SLC17A8: variants seen among roughly 807,000 people sequenced by gnomAD.
The protein encoded by SLC17A8 is vesicular glutamate transporter 3.
Under a neutral mutation model 58.0 loss-of-function variants are expected in SLC17A8, and 31 were observed. The ratio of observed to expected loss-of-function variants is 0.53; its 90% CI spans 0.40 to 0.72. The LOEUF is 0.72. SLC17A8 is among the 30% of genes least tolerant of loss of function. The pLI, the probability that SLC17A8 is intolerant of heterozygous loss-of-function variation, is 0.00. For synonymous variants in SLC17A8, 228 were observed against 249.0 expected (o/e 0.92, Z 0.79); for missense variants, 655 against 727.8 (o/e 0.90, Z 1.15).
At chr12:100,417,172 C>T (rs916125461) in intron 10 of SLC17A8, among the ~76,000 whole-genome samples, 1 of 152,220 alleles carries the variant, frequency 6.6e-6, no homozygotes, top group Non-Finnish European at 1.5e-5. Flanking sequence ...TCCCAAAGTG[C>T]TGAGATTATA....
chr12:100,371,425 G>A (rs1038494541), intron 1 of SLC17A8, among the ~76,000 whole-genome samples: 12 of 152,202 alleles, frequency 7.9e-5, no homozygotes, highest in Non-Finnish European at 1.3e-4. Context: ...CTCGCCATTC[G>A]TCAGGCGCTT....
intron 9 of SLC17A8, among the ~76,000 whole-genome samples, chr12:100,411,700 T>A (rs1593006903): frequency 6.6e-6 from 1 of 151,930 alleles, no homozygotes; most frequent in Non-Finnish European, 1.5e-5. Flanking sequence ...TCAGCTGAAC[T>A]TTTTTTTCGG....
intron 1 of SLC17A8, among the ~76,000 whole-genome samples, chr12:100,373,001 G>C (rs190392929): frequency 6.6e-6 from 1 of 152,168 alleles, no homozygotes; most frequent in Non-Finnish European, 1.5e-5. Context: ...GAATTGCAAA[G>C]AAATAGTTCT....
chr12:100,399,745 T>C (rs907064787), intron 5 of SLC17A8, among the ~76,000 whole-genome samples: 1 of 152,164 alleles, frequency 6.6e-6, no homozygotes, highest in African/African-American at 2.4e-5. Flanking sequence ...GGGATTACAA[T>C]TTGAGATGCA....
In SLC17A8 at chr12:100,420,219, T is replaced by C. The variant is rs986553044; in HGVS notation, c.*60T>C. On this transcript the variant is annotated 3_prime_UTR_variant, in exon 12 of 12. Transcript: ENST00000323346. ...AGAAACAGAAAGTATCCATACCTAT[T>C]GCCTTTCTTGTAGCCCAGCTTGCCA... is the stretch of plus-strand genomic sequence containing the variant. 2 of 1,393,968 alleles carry C rather than the reference T, an allele frequency of 1.4e-6. No individual in the cohort carries two copies. Among genetic ancestry groups the C allele is most frequent in the African/African-American group, 1.4e-5 (1 of 69,994 alleles). The allele number at this position is 1,393,968 out of a possible 1,614,324, so 86.3% of individuals were successfully genotyped here. A position where few individuals can be genotyped will look rare whatever the true frequency, so the allele number is the denominator to read the frequency against.
rs746526640 is a variant in SLC17A8 at position 100,391,002 on chromosome 12, C to G, written c.356C>G (p.Thr119Arg). 6.2e-7 allele frequency: 1 copy of G among 1,600,506 alleles called. No homozygotes were observed. The highest frequency in any genetic ancestry group is 8.6e-7 in the Non-Finnish European group (1 of 1,167,566). The change falls in exon 3 of 12, where the codon ACA (threonine) becomes AGA (arginine). Residue 119 changes from threonine to arginine, a missense_variant and splice_region_variant. Transcript: ENST00000323346. Reference sequence around the variant, plus strand: ...CTATATCTGATTTCTCATTTCCAGACAGCACAGTTTAACTGGGATCCAGAA... The same window carrying G: ...CTATATCTGATTTCTCATTTCCAGAGAGCACAGTTTAACTGGGATCCAGAA... ...VYVDGKPEIQ[T>R]AQFNWDPETV...
rs1952939326 is a variant in SLC17A8, at chr12:100,420,228, T to G, written c.*69T>G. 1 of 1,315,620 alleles carries G rather than the reference T, an allele frequency of 7.6e-7. No homozygotes were observed. Among genetic ancestry groups the G allele is most frequent in the Non-Finnish European group, 1.1e-6 (1 of 937,146 alleles). 81.5% of individuals were successfully genotyped at this position (1,315,620 alleles called of 1,614,324 possible). On this transcript the variant is annotated 3_prime_UTR_variant, in exon 12 of 12. Coordinates refer to ENST00000323346, the MANE Select transcript of SLC17A8 (RefSeq NM_139319.3). Reference sequence around the variant, plus strand: ...AAGTATCCATACCTATTGCCTTTCTTGTAGCCCAGCTTGCCAGAGGTCCAA... The same window carrying G: ...AAGTATCCATACCTATTGCCTTTCTGGTAGCCCAGCTTGCCAGAGGTCCAA...
intron 2 of SLC17A8, among the ~76,000 whole-genome samples, chr12:100,383,355 A>AT (rs1433626796): frequency 6.6e-6 from 1 of 152,118 alleles, no homozygotes; most frequent in Non-Finnish European, 1.5e-5. Context: ...TATGGTTTAA[A>AT]TTTTTTTCCT....
At position 100,380,856 on chromosome 12, in the gene SLC17A8, T is replaced by TG; in HGVS notation, c.257_258insG (p.Phe86LeufsTer22). On this transcript the variant is annotated frameshift_variant, in exon 2 of 12. Transcript: ENST00000323346. LOFTEE classifies it high-confidence loss of function. ...ATTGCTATCATGAGTGGGCTGGGATTCTGCATTTCCTTTGGGATCCGGTGC... is the reference window on the plus strand; with the variant it reads ...ATTGCTATCATGAGTGGGCTGGGATTGCTGCATTTCCTTTGGGATCCGGTGC... The TG allele has an allele frequency of 6.2e-7, 1 of 1,614,198 alleles. No individual in the cohort carries two copies. Among genetic ancestry groups the TG allele is most frequent in the Non-Finnish European group, 8.5e-7 (1 of 1,180,034 alleles).
At chr12:100,366,582 T>C (rs1213266677) in intron 1 of SLC17A8, among the ~76,000 whole-genome samples, 2 of 152,162 alleles carry the variant, frequency 1.3e-5, no homozygotes, top group African/African-American at 4.8e-5. Flanking sequence ...TAGAGTCCTT[T>C]GGGGAAGGAC....
At chr12:100,381,820 G>C (rs1952640012) in intron 2 of SLC17A8, among the ~76,000 whole-genome samples, 1 of 152,144 alleles carries the variant, frequency 6.6e-6, no homozygotes, top group Non-Finnish European at 1.5e-5. Context: ...TTCTTTAGTA[G>C]TACATCAGTG....
At chr12:100,397,192 C>T (rs1952759947) in intron 5 of SLC17A8, among the ~76,000 whole-genome samples, 1 of 152,082 alleles carries the variant, frequency 6.6e-6, no homozygotes, top group Admixed American at 6.6e-5. Flanking sequence ...ATGACATTTG[C>T]TAAGGACAAA....
intron 1 of SLC17A8, among the ~76,000 whole-genome samples, chr12:100,371,191 T>C (rs986685496): frequency 2.6e-5 from 4 of 152,226 alleles, no homozygotes; most frequent in Non-Finnish European, 5.9e-5. Flanking sequence ...ATGCTAAGCA[T>C]TTTGTAACTC....
intron 2 of SLC17A8, among the ~76,000 whole-genome samples, chr12:100,390,192 T>A (rs1483316882): frequency 6.6e-6 from 1 of 152,046 alleles, no homozygotes; most frequent in Admixed American, 6.6e-5. Context: ...CTTGAGCTCC[T>A]GGCCTCAAGT....
At chr12:100,358,731 C>T (rs774683754) in intron 1 of SLC17A8, among the ~76,000 whole-genome samples, 2 of 152,076 alleles carry the variant, frequency 1.3e-5, no homozygotes, top group Non-Finnish European at 2.9e-5. Flanking sequence ...CCCCAGGTAA[C>T]GTCTTATTGT....
chr12:100,417,983 A>G (rs1379841265), intron 10 of SLC17A8, 46 bp from the exon 11 acceptor site: 1 of 1,613,746 alleles, frequency 6.2e-7, no homozygotes, highest in Non-Finnish European at 8.5e-7. Flanking sequence ...AGCATATTTG[A>G]AATTCTGTTC....
At chr12:100,397,156 G>A (rs1349062450) in intron 5 of SLC17A8, among the ~76,000 whole-genome samples, 1 of 152,150 alleles carries the variant, frequency 6.6e-6, no homozygotes, top group East Asian at 1.9e-4. Context: ...GAAAGGGTTG[G>A]AAGTGGTTGT....
chr12:100,406,366 T>G (rs566720504), intron 9 of SLC17A8, among the ~76,000 whole-genome samples: 4 of 152,208 alleles, frequency 2.6e-5, no homozygotes, highest in South Asian at 2.1e-4. Context: ...GAATGTGGCC[T>G]GTGTGAGAAT....
At position 100,377,675 on chromosome 12, in the gene SLC17A8, G is replaced by C. The variant is rs146683674; in HGVS notation, c.102-3026G>C. Among the ~76,000 whole-genome samples the C allele has an allele frequency of 3.7e-3, 518 of 138,350 alleles. 2 individuals carry two copies. Among genetic ancestry groups the C allele is most frequent in the African/African-American group, 0.012 (457 of 37,178 alleles). 90.8% of individuals were successfully genotyped at this position (138,350 alleles called of 152,430 possible). A position where few individuals can be genotyped will look rare whatever the true frequency, so the allele number is the denominator to read the frequency against. On this transcript the variant is annotated intron_variant, in intron 1 of 11. Coordinates refer to ENST00000323346, the MANE Select transcript of SLC17A8 (RefSeq NM_139319.3). ...GCTATATCAGCTCACTGCAGCCTCC[G>C]CCTCCCAGATTCAAGTGATTCTCCT...
Sources: gnomAD v4.1 joint callset for allele counts (sites outside exome capture counted in the v4.1 genomes callset) on GRCh38, gnomAD v4.1.1 for gene constraint, MANE v1.5 for transcripts, NCBI Gene and HGNC (gene_info 2026-07-23, HGNC 2026-07-21) for gene names.